The following KCNQ1 variants were observed in gnomAD, a reference collection of about 807,000 sequenced individuals.
The protein encoded by KCNQ1 is potassium voltage-gated channel subfamily KQT member 1.
KCNQ1 carries 49 observed loss-of-function variants against 72.4 expected under a neutral mutation model. That is an observed-to-expected ratio of 0.68 (90% CI 0.54 to 0.86). KCNQ1 has a LOEUF of 0.86. Ranked by LOEUF, KCNQ1 falls within the 40% of genes least tolerant of loss-of-function variation. The pLI is 0.00. For synonymous variants in KCNQ1, 450 were observed against 412.6 expected, an observed-to-expected ratio of 1.09 and a Z score of -1.10; for missense variants, 790 against 945.1, an observed-to-expected ratio of 0.84 and a Z score of 2.15.
chr11:2,604,842 C>A (rs117708787), intron 10 of KCNQ1, among the ~76,000 whole-genome samples: 1 of 152,120 alleles, frequency 6.6e-6, no homozygotes, highest in Non-Finnish European at 1.5e-5. Flanking sequence ...AGCACCTGGC[C>A]GATAACTATC....
At position 2,457,224 on chromosome 11, in the gene KCNQ1, T is replaced by C. The variant is rs1457119673; in HGVS notation, c.386+11740T>C. ...GGAGTGTAAATGAGTCCAGCCACCA[T>C]GGAAGGCAGTTTGGAGATTTCCCAA... is the stretch of plus-strand genomic sequence containing the variant. On this transcript the variant is annotated intron_variant, in intron 1 of 15. Transcript: ENST00000155840. The surrounding 1 kb of genome is among the most constrained non-coding windows in gnomAD (Gnocchi z 5.0). Among the ~76,000 whole-genome samples, 2 of 152,166 alleles carry C rather than the reference T, an allele frequency of 1.3e-5. No homozygotes were observed. Among genetic ancestry groups the C allele is most frequent in the Non-Finnish European group, 1.5e-5 (1 of 68,026 alleles).
chr11:2,504,581 C>A (rs184885440), intron 1 of KCNQ1, among the ~76,000 whole-genome samples: 1 of 152,076 alleles, frequency 6.6e-6, no homozygotes, highest in African/African-American at 2.4e-5. Context: ...CATGGTGAAA[C>A]CCCCTTCTCT....
rs1184742576 is a variant in KCNQ1, at chr11:2,809,587, G to A, written c.1794+31550G>A. Among the ~76,000 whole-genome samples, 5 of 152,098 alleles carry A rather than the reference G, an allele frequency of 3.3e-5. No individual in the cohort carries two copies. The highest frequency in any genetic ancestry group is 4.8e-5 in the African/African-American group (2 of 41,406). On this transcript the variant is annotated intron_variant, in intron 15 of 15. Coordinates refer to ENST00000155840, the MANE Select transcript of KCNQ1 (RefSeq NM_000218.3). This position sits in a 1 kb window ranked among gnomAD's most constrained non-coding sequence, Gnocchi z 7.1. ...CACAGACACCTCTTCTCAGTTCTTC[G>A]TTTCCAGTTGGACTCATCTCCTGAC...
chr11:2,622,773 A>G lies in KCNQ1; in HGVS notation c.1393+33919A>G, dbSNP rs549633172. ...TCCAGCAAAATTGAGAGGTAAGTACAGAGATTTCCCGTATACCCACTGCAC... is the reference window on the plus strand; with the variant it reads ...TCCAGCAAAATTGAGAGGTAAGTACGGAGATTTCCCGTATACCCACTGCAC... On this transcript the variant is annotated intron_variant, in intron 10 of 15. Coordinates refer to ENST00000155840, the MANE Select transcript of KCNQ1 (RefSeq NM_000218.3). The G allele has an allele frequency of 9.4e-4, 375 of 398,618 alleles. 2 individuals carry two copies. Among genetic ancestry groups the G allele is most frequent in the African/African-American group, 7.1e-3 (347 of 48,742 alleles). 24.7% of individuals were successfully genotyped at this position (398,618 alleles called of 1,614,324 possible).
Position 2,658,357 on chromosome 11 carries a change from T to G in KCNQ1, c.1394-3604T>G. 2.5e-6 allele frequency: 1 copy of G among 398,600 alleles called. No homozygotes were observed. Among genetic ancestry groups the G allele is most frequent in the Non-Finnish European group, 4.4e-6 (1 of 226,040 alleles). 24.7% of individuals were successfully genotyped at this position (398,600 alleles called of 1,614,324 possible). ...GTTTATTTAATTTTATCAGTGTGGA[T>G]TTGGGAGTATTTATTTTTTGAGTTA... On this transcript the variant is annotated intron_variant, in intron 10 of 15. Coordinates refer to ENST00000155840, the MANE Select transcript of KCNQ1 (RefSeq NM_000218.3). This position sits in a 1 kb window ranked among gnomAD's most constrained non-coding sequence, Gnocchi z 4.9.
At position 2,826,643 on chromosome 11, in the gene KCNQ1, C is replaced by A. The variant is rs1590114077; in HGVS notation, c.1795-21124C>A. ...AAGAGGGCTGGCCCAGCACACCCAG[C>A]CCACCACTGTGCTCCCAGAGGGAGA... On this transcript the variant is annotated intron_variant, in intron 15 of 15. Coordinates refer to ENST00000155840, the MANE Select transcript of KCNQ1 (RefSeq NM_000218.3). This position sits in a 1 kb window ranked among gnomAD's most constrained non-coding sequence, Gnocchi z 4.2. Among the ~76,000 whole-genome samples the A allele has an allele frequency of 2.0e-5, 3 of 152,356 alleles. No individual in the cohort carries two copies. The highest frequency in any genetic ancestry group is 4.1e-4 in the South Asian group (2 of 4,832).
At chr11:2,743,363 G>A (rs961866994) in intron 11 of KCNQ1, among the ~76,000 whole-genome samples, 6 of 152,200 alleles carry the variant, frequency 3.9e-5, no homozygotes, top group Admixed American at 3.3e-4. Flanking sequence ...ACCCCTTCAG[G>A]CCCTGGCACA....
In KCNQ1 at chr11:2,458,570, C is replaced by A. The variant is rs79591960; in HGVS notation, c.386+13086C>A. Reference sequence around the variant, plus strand: ...TGCAGCGTCACAGCTGCCAACCTCTCCAAAGCAGTAAAGGCCTTCGGACAG... The same window carrying A: ...TGCAGCGTCACAGCTGCCAACCTCTACAAAGCAGTAAAGGCCTTCGGACAG... On this transcript the variant is annotated intron_variant, in intron 1 of 15. Transcript: ENST00000155840. The surrounding 1 kb of genome is among the most constrained non-coding windows in gnomAD (Gnocchi z 4.6). Among the ~76,000 whole-genome samples, 324 of 151,670 alleles carry A rather than the reference C, an allele frequency of 2.1e-3. 1 individual carries two copies. Among genetic ancestry groups the A allele is most frequent in the African/African-American group, 7.7e-3 (317 of 41,278 alleles).
Position 2,579,737 on chromosome 11 carries a change from C to G in KCNQ1, c.922-3698C>G, listed in dbSNP as rs949240528. Among the ~76,000 whole-genome samples the G allele has an allele frequency of 7.2e-5, 11 of 152,284 alleles. No individual in the cohort carries two copies. Among genetic ancestry groups the G allele is most frequent in the African/African-American group, 2.2e-4 (9 of 41,562 alleles). On this transcript the variant is annotated intron_variant, in intron 6 of 15. Transcript: ENST00000155840. The surrounding 1 kb of genome is among the most constrained non-coding windows in gnomAD (Gnocchi z 6.0). ...GGGCACTTCTGGGGCTGGCCTTTCT[C>G]TCCCTCTCGGGGCACCCCTGCCTTC...
chr11:2,677,640 TAAC>T lies in KCNQ1; in HGVS notation c.1514+15563_1514+15565del, dbSNP rs1259130533. 2.5e-6 allele frequency: 1 copy of T among 398,662 alleles called. No homozygotes were observed. The highest frequency in any genetic ancestry group is 3.6e-5 in the East Asian group (1 of 28,076). The allele number at this position is 398,662 out of a possible 1,614,324, so 24.7% of individuals were successfully genotyped here. Reference sequence around the variant, plus strand: ...TAAAACGTGTACATAATTGTAACTCTAACAACTGTTATTGCATATGAGATAAAA... The same window carrying T: ...TAAAACGTGTACATAATTGTAACTCTAACTGTTATTGCATATGAGATAAAA... On this transcript the variant is annotated intron_variant, in intron 11 of 15. Transcript: ENST00000155840. The surrounding 1 kb of genome is among the most constrained non-coding windows in gnomAD (Gnocchi z 4.5).
At chr11:2,662,871 C>G in intron 11 of KCNQ1, 1 of 398,758 alleles carries the variant, frequency 2.5e-6, no homozygotes, top group Non-Finnish European at 4.4e-6. Flanking sequence ...CAACATTTTT[C>G]TAAAGGGTGT....
Position 2,669,978 on chromosome 11 carries a change from A to G in KCNQ1, c.1514+7897A>G. 1 of 398,652 alleles carries G rather than the reference A, an allele frequency of 2.5e-6. No individual in the cohort carries two copies. The highest frequency in any genetic ancestry group is 4.4e-6 in the Non-Finnish European group (1 of 226,144). The allele number at this position is 398,652 out of a possible 1,614,324, so 24.7% of individuals were successfully genotyped here. On this transcript the variant is annotated intron_variant, in intron 11 of 15. Transcript: ENST00000155840. This position sits in a 1 kb window ranked among gnomAD's most constrained non-coding sequence, Gnocchi z 5.6. ...GAAGTCTAGAGGTCCCCAAGTCACA[A>G]CCTCAAATCTCGGAATGGGGTTCAG...
chr11:2,616,163 C>G, intron 10 of KCNQ1: 1 of 396,172 alleles, frequency 2.5e-6, no homozygotes, highest in Admixed American at 4.4e-5. Flanking sequence ...TTTTATCACA[C>G]TTTTTATTTC....
intron 15 of KCNQ1, among the ~76,000 whole-genome samples, chr11:2,810,738 T>C (rs1187155680): frequency 6.6e-6 from 1 of 152,246 alleles, no homozygotes; most frequent in Non-Finnish European, 1.5e-5. Context: ...GATCTGTGCA[T>C]GGATGGGCCT....
chr11:2,790,611 T>G (rs548158603), intron 15 of KCNQ1, among the ~76,000 whole-genome samples: 1 of 152,320 alleles, frequency 6.6e-6, no homozygotes, highest in South Asian at 2.1e-4. Flanking sequence ...GGGTGCAAGC[T>G]CTGCCCCCTA....
At position 2,784,966 on chromosome 11, in the gene KCNQ1, T is replaced by C. The variant is rs1846885511; in HGVS notation, c.1794+6929T>C. Among the ~76,000 whole-genome samples the C allele has an allele frequency of 6.6e-6, 1 of 152,052 alleles. No homozygotes were observed. The highest frequency in any genetic ancestry group is 1.5e-5 in the Non-Finnish European group (1 of 67,866). ...TTTCTACATATAGGATCATGTCTTG[T>C]GGCAATAAAGACAATTTTTACTTCT... On this transcript the variant is annotated intron_variant, in intron 15 of 15. Coordinates refer to ENST00000155840, the MANE Select transcript of KCNQ1 (RefSeq NM_000218.3). This position sits in a 1 kb window ranked among gnomAD's most constrained non-coding sequence, Gnocchi z 4.7.
In KCNQ1 at chr11:2,752,138, G is replaced by A. The variant is rs1333012457; in HGVS notation, c.1515-16706G>A. 6.6e-6 allele frequency among the ~76,000 whole-genome samples: 1 copy of A among 152,244 alleles called. No homozygotes were observed. The highest frequency in any genetic ancestry group is 2.4e-5 in the African/African-American group (1 of 41,468). On this transcript the variant is annotated intron_variant, in intron 11 of 15. Coordinates refer to ENST00000155840, the MANE Select transcript of KCNQ1 (RefSeq NM_000218.3). This position sits in a 1 kb window ranked among gnomAD's most constrained non-coding sequence, Gnocchi z 5.2. Reference sequence around the variant, plus strand: ...TAGCCGAGCTTGGGAGTTGTGTTGTGTAGTGTTGACTTGAGTTGCATCGTG... The same window carrying A: ...TAGCCGAGCTTGGGAGTTGTGTTGTATAGTGTTGACTTGAGTTGCATCGTG...
intron 2 of KCNQ1, among the ~76,000 whole-genome samples, chr11:2,533,970 C>T (rs1306381874): frequency 6.6e-6 from 1 of 152,202 alleles, no homozygotes; most frequent in African/African-American, 2.4e-5. Context: ...GGGATGAGGT[C>T]ATCGCTGCGG....
At chr11:2,532,598 C>T (rs547542425) in intron 2 of KCNQ1, among the ~76,000 whole-genome samples, 12 of 152,226 alleles carry the variant, frequency 7.9e-5, no homozygotes, top group African/African-American at 2.9e-4. Flanking sequence ...GGCGTGGGCT[C>T]TGGGTGGGGA....
Sources: gnomAD v4.1 joint callset for allele counts (sites outside exome capture counted in the v4.1 genomes callset) on GRCh38, gnomAD v4.1.1 for gene constraint, Gnocchi (gnomAD v3.1) non-coding constraint, MANE v1.5 for transcripts, NCBI Gene and HGNC (gene_info 2026-07-23, HGNC 2026-07-21) for gene names.